The following ARHGAP8 variants were observed in gnomAD, a reference collection of about 807,000 sequenced individuals.
The protein encoded by ARHGAP8 is rho GTPase-activating protein 8.
A neutral mutation model predicts 46.1 loss-of-function variants in ARHGAP8; 62 were observed. That is an observed-to-expected ratio of 1.34 (90% CI 1.10 to 1.66). The LOEUF (loss-of-function observed/expected upper bound fraction) is 1.66. Ranked by LOEUF, ARHGAP8 falls within the 40% of genes most tolerant of loss-of-function variation. The pLI is 0.00. For synonymous variants in ARHGAP8, 375 were observed against 243.1 expected, an observed-to-expected ratio of 1.54 and a Z score of -5.05; for missense variants, 923 against 568.4, an observed-to-expected ratio of 1.62 and a Z score of -6.34.
chr22:44,772,322 G>T (rs2147015142), intron 1 of ARHGAP8, among the ~76,000 whole-genome samples: 1 of 94,234 alleles, frequency 1.1e-5, no homozygotes, highest in Non-Finnish European at 2.0e-5. Flanking sequence ...AAACTACACT[G>T]ATTGACTTTT....
chr22:44,861,268 C>T (rs117928542), intron 11 of ARHGAP8, among the ~76,000 whole-genome samples: 2,029 of 152,298 alleles, frequency 0.013, 24 homozygotes, highest in Non-Finnish European at 0.02. Context: ...CCACTGCACC[C>T]AGCCTACTTC....
At chr22:44,821,920 A>AAGG (rs1930178493) in intron 5 of ARHGAP8, among the ~76,000 whole-genome samples, 10 of 148,444 alleles carry the variant, frequency 6.7e-5, no homozygotes, top group Non-Finnish European at 1.5e-4. Flanking sequence ...TCCTTAGAAG[A>AAGG]GGTGGCCAAA....
At chr22:44,756,536 A>G (rs890267294) in intron 1 of ARHGAP8, among the ~76,000 whole-genome samples, 3 of 151,664 alleles carry the variant, frequency 2.0e-5, no homozygotes, top group Non-Finnish European at 4.4e-5. Flanking sequence ...AGCGTCAACT[A>G]TAGCCACCCT....
intron 2 of ARHGAP8, among the ~76,000 whole-genome samples, chr22:44,787,804 C>T (rs1192814950): frequency 6.6e-6 from 1 of 151,688 alleles, no homozygotes; most frequent in Admixed American, 6.6e-5. Flanking sequence ...GGCCAGTTCT[C>T]AAACAGTTAA....
chr22:44,795,341 A>C (rs1928004896), intron 2 of ARHGAP8, among the ~76,000 whole-genome samples: 1 of 152,046 alleles, frequency 6.6e-6, no homozygotes, highest in South Asian at 2.1e-4. Flanking sequence ...TCTTACCCTC[A>C]TTGCAGATGG....
intron 11 of ARHGAP8, among the ~76,000 whole-genome samples, chr22:44,861,168 C>G (rs1035038558): frequency 6.6e-6 from 1 of 152,206 alleles, no homozygotes; most frequent in Non-Finnish European, 1.5e-5. Flanking sequence ...GATGGGGTTT[C>G]GTCACATTGG....
In ARHGAP8 at chr22:44,845,319, C is replaced by T. The variant is rs759087263; in HGVS notation, c.647C>T (p.Thr216Ile). 4 of 1,614,054 alleles carry T rather than the reference C, an allele frequency of 2.5e-6. 1 individual carries two copies. The South Asian group carries it at 3.3e-5, about 13-fold the overall frequency. Residue 216 changes from threonine to isoleucine, a missense_variant, in exon 8 of 12, where the codon ACA (threonine) becomes ATA (isoleucine). Thr to Ile is a moderately conservative substitution (Grantham distance 89). Coordinates refer to ENST00000356099, the MANE Select transcript of ARHGAP8 (RefSeq NM_181335.3). ...CTCATCCCCCCTGTGCTGAGGTTCA[C>T]AGTGACGTACCTGAGAGAGAAAGGT... is the stretch of plus-strand genomic sequence containing the variant. ...GELIPPVLRF[T>I]VTYLREKGLR...
At chr22:44,859,594 T>C in intron 10 of ARHGAP8, 137 bp from the exon 11 acceptor site, 1 of 844,948 alleles carries the variant, frequency 1.2e-6, no homozygotes, top group Non-Finnish European at 1.9e-6. Context: ...AGAAGATAAG[T>C]GGGGGTCCCA....
intron 10 of ARHGAP8, among the ~76,000 whole-genome samples, chr22:44,857,103 G>A (rs994545625): frequency 7.0e-6 from 1 of 143,604 alleles, no homozygotes; most frequent in East Asian, 2.0e-4. Context: ...ACCACACCCG[G>A]CTAATTTTGT....
intron 1 of ARHGAP8, chr22:44,777,016 C>G (rs1219877589): frequency 6.6e-6 from 1 of 152,476 alleles, no homozygotes; most frequent in Non-Finnish European, 1.5e-5. Context: ...TTTTTGCCCT[C>G]AGGCTCCTGA....
Position 44,820,745 on chromosome 22 carries a change from A to G in ARHGAP8, c.387-1626A>G, listed in dbSNP as rs958520693. Among the ~76,000 whole-genome samples the G allele has an allele frequency of 4.6e-5, 7 of 152,128 alleles. No homozygotes were observed. In the South Asian group the frequency reaches 1.5e-3, roughly 32 times the overall value. On this transcript the variant is annotated intron_variant, in intron 5 of 11. Transcript: ENST00000356099. ...GTGTCCTTGAATACAGAAACCTGGCAATCCCCGCCCTCCTCCCTCAGCCCC... is the reference window on the plus strand; with the variant it reads ...GTGTCCTTGAATACAGAAACCTGGCGATCCCCGCCCTCCTCCCTCAGCCCC...
At chr22:44,821,179 C>T (rs1260004606) in intron 5 of ARHGAP8, among the ~76,000 whole-genome samples, 3 of 152,136 alleles carry the variant, frequency 2.0e-5, no homozygotes, top group Non-Finnish European at 4.4e-5. Context: ...TGCCTGTAAT[C>T]CCAGCACTTT....
chr22:44,849,100 C>G, intron 10 of ARHGAP8, 40 bp downstream of exon 10: 1 of 1,610,598 alleles, frequency 6.2e-7, no homozygotes, highest in East Asian at 2.2e-5. Flanking sequence ...GGGCTTGGTC[C>G]TCAGATGCTG....
intron 7 of ARHGAP8, among the ~76,000 whole-genome samples, chr22:44,841,321 T>C (rs897173601): frequency 6.6e-6 from 1 of 152,230 alleles, no homozygotes; most frequent in Non-Finnish European, 1.5e-5. Context: ...GCATGTTTTC[T>C]GCGTGCTGGG....
At position 44,775,477 on chromosome 22, in the gene ARHGAP8, C is replaced by T. The variant is rs189259017; in HGVS notation, c.-71-10980C>T. 3.2e-3 allele frequency among the ~76,000 whole-genome samples: 490 copies of T among 151,888 alleles called. 1 individual carries two copies. Among genetic ancestry groups the T allele is most frequent in the African/African-American group, 0.011 (460 of 41,418 alleles). ...TCTTTTTTTTTTTGAGACGGAGTTT[C>T]GCTCTTGTTGCCCAGGCTGGAGTGC... On this transcript the variant is annotated intron_variant, in intron 1 of 11. Coordinates refer to ENST00000356099, the MANE Select transcript of ARHGAP8 (RefSeq NM_181335.3).
intron 1 of ARHGAP8, chr22:44,777,071 C>T (rs1308283465): frequency 6.6e-6 from 1 of 152,224 alleles, no homozygotes; most frequent in Non-Finnish European, 1.5e-5. Flanking sequence ...CTCAGGCACT[C>T]CTCTGCTCAA....
intron 2 of ARHGAP8, among the ~76,000 whole-genome samples, chr22:44,797,755 CGT>C (rs1928194838): frequency 6.6e-6 from 1 of 152,264 alleles, no homozygotes; most frequent in Admixed American, 6.5e-5. Context: ...ACTGTGCGCG[CGT>C]GTGTGTGCGC....
At chr22:44,787,008 CAG>C (rs1411895861) in intron 2 of ARHGAP8, among the ~76,000 whole-genome samples, 14 of 131,834 alleles carry the variant, frequency 1.1e-4, no homozygotes, top group Non-Finnish European at 2.0e-4. Flanking sequence ...GACAGAGTGA[CAG>C]AGTGGTGAGA....
intron 11 of ARHGAP8, 95 bp from the exon 12 acceptor site, chr22:44,862,180 C>G (rs990367926): frequency 6.9e-7 from 1 of 1,455,498 alleles, no homozygotes; most frequent in Non-Finnish European, 9.2e-7. Flanking sequence ...GCTCCTCTCA[C>G]TACACCTACG....
Sources: allele counts gnomAD v4.1 joint callset (sites outside exome capture counted in the v4.1 genomes callset), GRCh38; gene constraint gnomAD v4.1.1; transcripts MANE v1.5; gene names NCBI Gene and HGNC (gene_info 2026-07-23, HGNC 2026-07-21).